RTL1: variants seen among roughly 807,000 people sequenced by gnomAD.
RTL1 encodes the protein retrotransposon Gag like 1.
For missense variants in RTL1, 1,681 were observed against 1,767.5 expected (o/e 0.95, Z 0.88); for synonymous variants, 727 against 748.4 (o/e 0.97, Z 0.47).
intron 2 of RTL1, among the ~76,000 whole-genome samples, chr14:100,901,807 A>T (rs1267250101): frequency 6.6e-6 from 1 of 151,922 alleles, no homozygotes; most frequent in Admixed American, 6.6e-5. Flanking sequence ...TGGGCACTCA[A>T]CCCCATTCTC....
chr14:100,890,819 C>G (rs1366368846), intron 3 of RTL1, among the ~76,000 whole-genome samples: 1 of 152,140 alleles, frequency 6.6e-6, no homozygotes, highest in Non-Finnish European at 1.5e-5. Flanking sequence ...CCCTCTGCTG[C>G]CTGGCCTGCT....
intron 3 of RTL1, among the ~76,000 whole-genome samples, chr14:100,890,652 G>A (rs575823130): frequency 6.6e-6 from 1 of 152,222 alleles, no homozygotes; most frequent in Admixed American, 6.5e-5. Context: ...CACACCTGGG[G>A]CCCCTGGCTC....
chr14:100,884,403 G>C lies in RTL1; in HGVS notation c.386C>G (p.Ser129Trp). ...AGCCTCTTGTTCTTCTCGGGCTCCCGATGGGTTGACTGATGCTTCTTTCAT... is the reference window on the plus strand; with the variant it reads ...AGCCTCTTGTTCTTCTCGGGCTCCCCATGGGTTGACTGATGCTTCTTTCAT... ...DRMKEASVNP[S>W]GAREEQEAHT... Residue 129 changes from serine to tryptophan, a missense_variant, in exon 4 of 4, where the codon TCG (serine) becomes TGG (tryptophan). Coordinates refer to ENST00000649591, the MANE Select transcript of RTL1 (RefSeq NM_001134888.3). 6.2e-7 allele frequency: 1 copy of C among 1,605,450 alleles called. No individual in the cohort carries two copies. The highest frequency in any genetic ancestry group is 8.5e-7 in the Non-Finnish European group (1 of 1,175,458).
At chr14:100,891,779 G>A (rs908920740) in intron 3 of RTL1, among the ~76,000 whole-genome samples, 3 of 152,178 alleles carry the variant, frequency 2.0e-5, no homozygotes, top group Non-Finnish European at 4.4e-5. Flanking sequence ...GGTCTGCACC[G>A]GCCTCCTAGC....
chr14:100,882,952 T>C lies in RTL1; in HGVS notation c.1837A>G (p.Thr613Ala). ...GCACCCACAGGTTCCCAAGGCGCGGTGGAGGGACACTCGTAAAAGGTCTCG... is the reference window on the plus strand; with the variant it reads ...GCACCCACAGGTTCCCAAGGCGCGGCGGAGGGACACTCGTAAAAGGTCTCG... ...HSETFYECPS[T>A]APWEPVGARM... The change falls in exon 4 of 4, where the codon ACC becomes GCC. Residue 613 changes from threonine (T) to alanine (A), a missense_variant. Transcript: ENST00000649591. 1 of 1,613,722 alleles carries C rather than the reference T, an allele frequency of 6.2e-7. No homozygotes were observed. Among genetic ancestry groups the C allele is most frequent in the Non-Finnish European group, 8.5e-7 (1 of 1,179,908 alleles).
chr14:100,894,703 C>T (rs148857920), intron 2 of RTL1: 4,427 of 152,354 alleles, frequency 0.029, 94 homozygotes, highest in Middle Eastern at 0.11. Flanking sequence ...TCCCAGGTGG[C>T]GTGAAGGGGA....
At chr14:100,887,415 A>T (rs1314608154) in intron 3 of RTL1, among the ~76,000 whole-genome samples, 1 of 152,184 alleles carries the variant, frequency 6.6e-6, no homozygotes, top group African/African-American at 2.4e-5. Context: ...AATTTCTCTG[A>T]CTACTCTACC....
At chr14:100,885,523 G>GTT (rs5811014) in intron 3 of RTL1, among the ~76,000 whole-genome samples, 40 of 141,552 alleles carry the variant, frequency 2.8e-4, no homozygotes, top group Admixed American at 2.8e-3. Flanking sequence ...ACAGGTCTGG[G>GTT]TTTTTTTTTT....
At chr14:100,897,265 A>G (rs2038871024) in intron 2 of RTL1, among the ~76,000 whole-genome samples, 1 of 152,256 alleles carries the variant, frequency 6.6e-6, no homozygotes. Context: ...TTGTAAAAAC[A>G]GAAACAAAAA....
chr14:100,899,352 C>T (rs900172596), intron 2 of RTL1, among the ~76,000 whole-genome samples: 1 of 152,144 alleles, frequency 6.6e-6, no homozygotes, highest in African/African-American at 2.4e-5. Context: ...CGGGTCTGGT[C>T]CCAGAACAGG....
At position 100,881,746 on chromosome 14, in the gene RTL1, G is replaced by T. The variant is rs1435386530; in HGVS notation, c.3043C>A (p.Leu1015Met). The T allele has an allele frequency of 1.2e-6, 2 of 1,611,110 alleles. No individual in the cohort carries two copies. Among genetic ancestry groups the T allele is most frequent in the East Asian group, 2.2e-5 (1 of 44,778 alleles). The part of the protein sequence containing the change: ...FQRNTAARQT[L>M]LLASRGFPRD... ...GGGAATCCCCTTGAGGCCAGCAGCA[G>T]GGTTTGCCTGGCGGCAGTGTTCCTC... The change falls in exon 4 of 4, where the codon CTG becomes ATG. Residue 1015 changes from leucine (L) to methionine (M), a missense_variant. Physicochemically the swap from Leu to Met is conservative, Grantham distance 15. Transcript: ENST00000649591. This position sits in a 1 kb window ranked among gnomAD's most constrained non-coding sequence, Gnocchi z 6.6.
In RTL1 at chr14:100,884,394, C is replaced by G. The variant is rs758100619; in HGVS notation, c.395G>C (p.Arg132Pro). 1.3e-6 allele frequency: 2 copies of G among 1,593,326 alleles called. No homozygotes were observed. The highest frequency in any genetic ancestry group is 1.8e-5 in the Admixed American group (1 of 56,888). ...KEASVNPSGA[R>P]EEQEAHTDLK... ...GTCAGTGTGAGCCTCTTGTTCTTCT[C>G]GGGCTCCCGATGGGTTGACTGATGC... The change falls in exon 4 of 4, where the codon CGA becomes CCA. Residue 132 changes from arginine to proline, a missense_variant. Arg to Pro is a moderately radical substitution (Grantham distance 103, BLOSUM62 -2). Coordinates refer to ENST00000649591, the MANE Select transcript of RTL1 (RefSeq NM_001134888.3).
At position 100,883,854 on chromosome 14, in the gene RTL1, A is replaced by G. The variant is rs1461566775; in HGVS notation, c.935T>C (p.Val312Ala). The G allele has an allele frequency of 6.4e-7, 1 of 1,551,664 alleles. No individual in the cohort carries two copies. The highest frequency in any genetic ancestry group is 8.7e-7 in the Non-Finnish European group (1 of 1,146,992). The change falls in exon 4 of 4, where the codon GTA becomes GCA. Residue 312 changes from valine (V) to alanine (A), a missense_variant. Coordinates refer to ENST00000649591, the MANE Select transcript of RTL1 (RefSeq NM_001134888.3). The surrounding 1 kb of genome is among the most constrained non-coding windows in gnomAD (Gnocchi z 5.9). ...TEYIDEFQSL[V>A]PILGWPDEVL... ...TTCATCTGGCCAGCCCAAGATGGGTACCAGGCTCTGGAACTCATCGATGTA... is the reference window on the plus strand; with the variant it reads ...TTCATCTGGCCAGCCCAAGATGGGTGCCAGGCTCTGGAACTCATCGATGTA...
rs557692634 is a variant in RTL1, at chr14:100,892,071, C to A, written c.-87+1373G>T. The stretch of plus-strand genomic sequence containing the variant: ...TTAAACAGAGGTTGCCAGATCTGAG[C>A]AATGGTTGAAAGCACAGACTATGTG... On this transcript the variant is annotated intron_variant, in intron 3 of 3. Coordinates refer to ENST00000649591, the MANE Select transcript of RTL1 (RefSeq NM_001134888.3). 2.0e-5 allele frequency among the ~76,000 whole-genome samples: 3 copies of A among 152,288 alleles called. No homozygotes were observed. The South Asian group carries it at 6.2e-4, about 32-fold the overall frequency.
chr14:100,883,218 G>A lies in RTL1; in HGVS notation c.1571C>T (p.Thr524Ile), dbSNP rs765867548. Reference sequence around the variant, plus strand: ...CTTCAGGCAGTAGGGAGAGTGGAAGGTGCAGCGGCCTTTGATCCAGTCGAC... The same window carrying A: ...CTTCAGGCAGTAGGGAGAGTGGAAGATGCAGCGGCCTTTGATCCAGTCGAC... ...PEVDWIKGRCTFHSPYCLKNC... is the reference protein window; with the variant it reads ...PEVDWIKGRCIFHSPYCLKNC... The change falls in exon 4 of 4, where the codon ACC (threonine) becomes ATC (isoleucine). Residue 524 changes from threonine to isoleucine, a missense_variant. By Grantham distance (89) the Thr-to-Ile change is moderately conservative. Transcript: ENST00000649591. The surrounding 1 kb of genome is among the most constrained non-coding windows in gnomAD (Gnocchi z 5.9). 445 of 1,554,254 alleles carry A rather than the reference G, an allele frequency of 2.9e-4. 1 individual carries two copies. Among genetic ancestry groups the A allele is most frequent in the Non-Finnish European group, 3.6e-4 (410 of 1,148,076 alleles).
rs947973934 is a variant in RTL1, at chr14:100,884,590, C to T, written c.199G>A (p.Glu67Lys). 1.9e-6 allele frequency: 3 copies of T among 1,613,442 alleles called. No individual in the cohort carries two copies. In the African/African-American group the frequency reaches 4.0e-5, roughly 22 times the overall value. The change falls in exon 4 of 4, where the codon GAA becomes AAA. Residue 67 changes from glutamate to lysine, a missense_variant. Glu to Lys is a moderately conservative substitution (Grantham distance 56). Coordinates refer to ENST00000649591, the MANE Select transcript of RTL1 (RefSeq NM_001134888.3). Reference protein sequence around the residue: ...EPPSGPLQEMEELPTDLLQDM... With the variant: ...EPPSGPLQEMKELPTDLLQDM... ...TGGAGTAGATCAGTGGGCAGCTCTT[C>T]CATTTCCTGGAGTGGGCCACTGGGG... is the stretch of plus-strand genomic sequence containing the variant.
intron 3 of RTL1, among the ~76,000 whole-genome samples, chr14:100,891,464 G>A (rs2038776840): frequency 6.6e-6 from 1 of 152,150 alleles, no homozygotes; most frequent in Admixed American, 6.5e-5. Flanking sequence ...CAGCAGGGTG[G>A]GGGTCTTCTG....
intron 3 of RTL1, among the ~76,000 whole-genome samples, chr14:100,887,132 A>C (rs554561886): frequency 1.3e-5 from 2 of 152,288 alleles, no homozygotes; most frequent in African/African-American, 4.8e-5. Context: ...TAAAATGAAA[A>C]TTTTCACCGT....
rs558624590 is a variant in RTL1, at chr14:100,879,918, C to G, written c.*794G>C. Among the ~76,000 whole-genome samples the G allele has an allele frequency of 9.1e-4, 138 of 152,038 alleles. No individual in the cohort carries two copies. Among genetic ancestry groups the G allele is most frequent in the African/African-American group, 3.2e-3 (134 of 41,472 alleles). On this transcript the variant is annotated 3_prime_UTR_variant, in exon 4 of 4. Coordinates refer to ENST00000649591, the MANE Select transcript of RTL1 (RefSeq NM_001134888.3). ...CTGTGTGCCTTCTGGGACTCCATCC[C>G]TGTATGAGGGGCCCCTGCACCCCTG...
Sources: allele counts gnomAD v4.1 joint callset (sites outside exome capture counted in the v4.1 genomes callset), GRCh38; gene constraint gnomAD v4.1.1; non-coding constraint Gnocchi (gnomAD v3.1); transcripts MANE v1.5; gene names NCBI Gene and HGNC (gene_info 2026-07-23, HGNC 2026-07-21).